The following TPRG1 variants were observed in gnomAD, a reference collection of about 807,000 sequenced individuals.
TPRG1 encodes tumor protein p63-regulated gene 1 protein.
A neutral mutation model predicts 29.3 loss-of-function variants in TPRG1; 29 were observed. The observed-to-expected ratio is 0.99, with a 90% CI of 0.74 to 1.35. The LOEUF (loss-of-function observed/expected upper bound fraction) is 1.35, where lower values mean the gene tolerates loss of function less well. TPRG1 is among the 40% of genes most tolerant of loss of function. The pLI is 0.00. For missense variants in TPRG1, 327 were observed against 335.0 expected (o/e 0.98, Z 0.19); for synonymous variants, 130 against 116.8 (o/e 1.11, Z -0.73).
chr3:189,246,493 T>C (rs1384737558), intron 4 of TPRG1, among the ~76,000 whole-genome samples: 1 of 152,178 alleles, frequency 6.6e-6, no homozygotes, highest in Non-Finnish European at 1.5e-5. Context: ...AAGATAATGT[T>C]ATAACTTGTG....
chr3:189,313,638 C>G (rs1250566978), intron 5 of TPRG1, among the ~76,000 whole-genome samples: 1 of 152,108 alleles, frequency 6.6e-6, no homozygotes, highest in Non-Finnish European at 1.5e-5. Context: ...TACCCAGAGT[C>G]ATTTCTTCTA....
At chr3:189,083,973 T>C (rs1717769615) in intron 4 of TPRG1, among the ~76,000 whole-genome samples, 1 of 151,592 alleles carries the variant, frequency 6.6e-6, no homozygotes, top group African/African-American at 2.4e-5. Flanking sequence ...AGATTGGGAG[T>C]TTGAGATCAG....
At chr3:189,047,771 C>A (rs1304858486) in intron 4 of TPRG1, among the ~76,000 whole-genome samples, 3 of 152,256 alleles carry the variant, frequency 2.0e-5, no homozygotes, top group Admixed American at 2.0e-4. Context: ...CAAGAAACAA[C>A]TTTCTTTGCT....
chr3:189,067,070 C>T (rs973940352), intron 4 of TPRG1, among the ~76,000 whole-genome samples: 1 of 151,892 alleles, frequency 6.6e-6, no homozygotes, highest in African/African-American at 2.4e-5. Flanking sequence ...ATCCTATTTA[C>T]AATAGTTACA....
At chr3:189,133,150 G>A (rs1055253886) in intron 3 of TPRG1, among the ~76,000 whole-genome samples, 1 of 152,194 alleles carries the variant, frequency 6.6e-6, no homozygotes, top group Non-Finnish European at 1.5e-5. Context: ...AGGTTGAAAT[G>A]TAACATACAA....
At chr3:189,051,020 G>A (rs201706601) in intron 4 of TPRG1, among the ~76,000 whole-genome samples, 32 of 152,232 alleles carry the variant, frequency 2.1e-4, no homozygotes, top group African/African-American at 7.5e-4. Context: ...CTGAGAACTG[G>A]AACAAGAAAA....
intron 3 of TPRG1, among the ~76,000 whole-genome samples, chr3:189,217,656 A>C (rs902611103): frequency 6.6e-5 from 10 of 152,316 alleles, no homozygotes; most frequent in Non-Finnish European, 1.0e-4. Context: ...TAAAAACCTC[A>C]TCGTGGGTTC....
intron 4 of TPRG1, among the ~76,000 whole-genome samples, chr3:189,066,962 T>C (rs950838937): frequency 6.6e-6 from 1 of 152,082 alleles, no homozygotes; most frequent in African/African-American, 2.4e-5. Flanking sequence ...CATAAACAGA[T>C]TCAGTAAAGT....
intron 1 of TPRG1, among the ~76,000 whole-genome samples, chr3:189,204,037 C>CAAAAAAAAA (rs35367828): frequency 1.1e-5 from 1 of 87,916 alleles, no homozygotes; most frequent in African/African-American, 4.2e-5. Flanking sequence ...GAGACTGTCT[C>CAAAAAAAAA]AAAAAAAAAA....
chr3:189,236,163 A>G (rs1739425224), intron 3 of TPRG1, among the ~76,000 whole-genome samples: 1 of 152,234 alleles, frequency 6.6e-6, no homozygotes, highest in Non-Finnish European at 1.5e-5. Context: ...ACTTGAATTT[A>G]GATATTCCTG....
chr3:189,222,409 A>G (rs551719672), intron 3 of TPRG1, among the ~76,000 whole-genome samples: 1 of 152,192 alleles, frequency 6.6e-6, no homozygotes, highest in Non-Finnish European at 1.5e-5. Context: ...TAAAAGTACT[A>G]TGGAAACTAC....
intron 4 of TPRG1, among the ~76,000 whole-genome samples, chr3:189,082,437 A>C (rs549620734): frequency 6.6e-6 from 1 of 152,072 alleles, no homozygotes; most frequent in African/African-American, 2.4e-5. Flanking sequence ...AAAACTTAAA[A>C]GAATGGTTAG....
chr3:189,260,291 G>A (rs150944788), intron 4 of TPRG1, among the ~76,000 whole-genome samples: 1 of 152,306 alleles, frequency 6.6e-6, no homozygotes, highest in East Asian at 1.9e-4. Flanking sequence ...ATCTTTAATA[G>A]TTTTGGTAGA....
intron 1 of TPRG1, among the ~76,000 whole-genome samples, chr3:189,116,844 T>G (rs1255621661): frequency 6.6e-6 from 1 of 151,924 alleles, no homozygotes; most frequent in East Asian, 1.9e-4. Context: ...ATAAAAAGAG[T>G]TTTGGAGACT....
chr3:189,104,651 C>T (rs999554393), intron 1 of TPRG1, among the ~76,000 whole-genome samples: 7 of 151,722 alleles, frequency 4.6e-5, no homozygotes, highest in African/African-American at 1.5e-4. Flanking sequence ...TAAGAACCCT[C>T]GGTCTACTAG....
chr3:189,240,706 A>G (rs7627826), intron 4 of TPRG1: 32,558 of 152,152 alleles, frequency 0.21, 3,803 homozygotes, highest in African/African-American at 0.31. Flanking sequence ...CCCACGACAC[A>G]TGGGAATTGT....
At chr3:189,183,986 T>A (rs1730586151) in intron 1 of TPRG1, among the ~76,000 whole-genome samples, 1 of 151,902 alleles carries the variant, frequency 6.6e-6, no homozygotes. Context: ...TCTTCACAAT[T>A]TATGTTTAGA....
intron 2 of TPRG1, 68 bp from the exon 3 acceptor site, chr3:189,215,224 C>A: frequency 7.5e-7 from 1 of 1,328,538 alleles, no homozygotes; most frequent in Non-Finnish European, 1.0e-6. Context: ...CTGGAATATA[C>A]TAACTAATCA....
At chr3:189,148,952 A>G (rs928471906) in intron 4 of TPRG1, among the ~76,000 whole-genome samples, 1 of 152,076 alleles carries the variant, frequency 6.6e-6, no homozygotes, top group Non-Finnish European at 1.5e-5. Context: ...GGCTCAGCAG[A>G]CTCTTGCTTG....
Sources: gnomAD v4.1 joint callset for allele counts (sites outside exome capture counted in the v4.1 genomes callset) on GRCh38, gnomAD v4.1.1 for gene constraint, MANE v1.5 for transcripts, NCBI Gene and HGNC (gene_info 2026-07-23, HGNC 2026-07-21) for gene names.